Variants in COPB2 observed in about 807,000 individuals in gnomAD.
COPB2 encodes the protein coat protein complex I subunit beta 2, also known as coatomer subunit beta'.
Under a neutral mutation model 120.8 loss-of-function variants are expected in COPB2, and 16 were observed. The ratio of observed to expected loss-of-function variants is 0.13; its 90% CI spans 0.09 to 0.20. COPB2 has a LOEUF of 0.20. Ranked by LOEUF, COPB2 falls within the 10% of genes least tolerant of loss-of-function variation. The pLI is 1.00. For missense variants in COPB2, 794 were observed against 1,076.5 expected, an observed-to-expected ratio of 0.74 and a Z score of 3.67; for synonymous variants, 332 against 366.3, an observed-to-expected ratio of 0.91 and a Z score of 1.07.
chr3:139,360,723 A>G (rs1266673097), intron 17 of COPB2, among the ~76,000 whole-genome samples: 1 of 152,120 alleles, frequency 6.6e-6, no homozygotes, highest in Non-Finnish European at 1.5e-5. Flanking sequence ...AAGTTATCCA[A>G]TTTGGGTAAA....
chr3:139,374,411 T>C (rs770873778), intron 7 of COPB2, 78 bp downstream of exon 7: 4 of 1,153,970 alleles, frequency 3.5e-6, no homozygotes, highest in Middle Eastern at 2.0e-4. Flanking sequence ...CCTACAATTA[T>C]AATGCAGAGA....
intron 10 of COPB2, 83 bp downstream of exon 10, chr3:139,371,640 C>T (rs1408987651): frequency 2.6e-6 from 3 of 1,136,452 alleles, no homozygotes; most frequent in African/African-American, 1.5e-5. Flanking sequence ...AATCACAGCC[C>T]ACATCAAGCC....
At position 139,371,823 on chromosome 3, in the gene COPB2, C is replaced by T; in HGVS notation, c.1105G>A (p.Val369Met). ...QHNPNGRFVV[V>M]CGDGEYIIYT... ...ATGATATACTCCCCATCACCACACA[C>T]CACCACAAACCTAGAAATCACAGAA... is the stretch of plus-strand genomic sequence containing the variant. Residue 369 changes from valine (V) to methionine (M), a missense_variant, in exon 10 of 22, where the codon GTG (valine) becomes ATG (methionine). Around this residue, in one of 3 missense-constraint regions of COPB2, gnomAD observed 610 missense variants for 866.7 expected, o/e 0.70. Transcript: ENST00000333188. 6.2e-7 allele frequency: 1 copy of T among 1,613,396 alleles called. No homozygotes were observed. Among genetic ancestry groups the T allele is most frequent in the Non-Finnish European group, 8.5e-7 (1 of 1,179,542 alleles).
chr3:139,367,257 C>G, intron 13 of COPB2, 112 bp from the exon 14 acceptor site: 1 of 1,285,292 alleles, frequency 7.8e-7, no homozygotes, highest in Non-Finnish European at 1.0e-6. Flanking sequence ...AAAGTAAAAT[C>G]CTTCCTATTT....
chr3:139,362,427 G>T lies in COPB2; in HGVS notation c.1975C>A (p.Gln659Lys). The T allele has an allele frequency of 1.2e-6, 2 of 1,610,050 alleles. No individual in the cohort carries two copies. Among genetic ancestry groups the T allele is most frequent in the South Asian group, 2.2e-5 (2 of 90,558 alleles). ...CATACCTCTGCTTCCACTGCTAACT[G>T]GTATGCAATTTTTAACTCTCCAAGC... ...LQLGELKIAY[Q>K]LAVEAESEQK... Residue 659 changes from glutamine (Q) to lysine (K), a missense_variant, in exon 16 of 22, where the codon CAG (glutamine) becomes AAG (lysine). Physicochemically the swap from Gln to Lys is moderately conservative, Grantham distance 53. Around this residue, in one of 3 missense-constraint regions of COPB2, gnomAD observed 610 missense variants for 866.7 expected, o/e 0.70. Transcript: ENST00000333188.
chr3:139,378,100 C>T lies in COPB2; in HGVS notation c.445G>A (p.Val149Met). ...TGATTGTTATCTTTGGGGTTGATCACAATCTGCATAACATAATGGGTGTGT... is the reference window on the plus strand; with the variant it reads ...TGATTGTTATCTTTGGGGTTGATCATAATCTGCATAACATAATGGGTGTGT... ...EGHTHYVMQI[V>M]INPKDNNQFA... Residue 149 changes from valine (V) to methionine (M), a missense_variant, in exon 5 of 22, where the codon GTG becomes ATG. Coordinates refer to ENST00000333188, the MANE Select transcript of COPB2 (RefSeq NM_004766.3). 6.3e-7 allele frequency: 1 copy of T among 1,590,620 alleles called. No individual in the cohort carries two copies. The highest frequency in any genetic ancestry group is 8.6e-7 in the Non-Finnish European group (1 of 1,162,916).
In COPB2 at chr3:139,369,193, G is replaced by C. The variant is rs1941578010; in HGVS notation, c.1401+68C>G. 16 of 1,220,378 alleles carry C rather than the reference G, an allele frequency of 1.3e-5. No homozygotes were observed. In the South Asian group the frequency reaches 2.0e-4, roughly 15 times the overall value. 75.6% of individuals were successfully genotyped at this position (1,220,378 alleles called of 1,614,324 possible). A position where few individuals can be genotyped will look rare whatever the true frequency, so the allele number is the denominator to read the frequency against. On this transcript the variant is annotated intron_variant, in intron 12 of 21. Transcript: ENST00000333188. ...GAGCAGGGTACAAAAGACACTTCTT[G>C]GCCTTAGGGACCCAGAACTCATCAC...
rs202204189 is a variant in COPB2 at position 139,358,738 on chromosome 3, A to G, written c.2553+6T>C. The G allele has an allele frequency of 2.5e-6, 4 of 1,600,034 alleles. No homozygotes were observed. The highest frequency in any genetic ancestry group is 1.3e-5 in the African/African-American group (1 of 74,572). On this transcript the variant is annotated splice_donor_region_variant and intron_variant, in intron 20 of 21. Transcript: ENST00000333188. Reference sequence around the variant, plus strand: ...CCAAATTTATCACATGAAGTGCTCTACTGACCTGTTGAGCTGTAGATCTTG... The same window carrying G: ...CCAAATTTATCACATGAAGTGCTCTGCTGACCTGTTGAGCTGTAGATCTTG...
At chr3:139,386,348 C>T (rs1941921342) in intron 1 of COPB2, among the ~76,000 whole-genome samples, 3 of 152,002 alleles carry the variant, frequency 2.0e-5, no homozygotes, top group African/African-American at 7.2e-5. Context: ...CCTCCACCTC[C>T]CAGGTTCAAG....
In COPB2 at chr3:139,369,475, T is replaced by G; in HGVS notation, c.1275A>C (p.Lys425Asn). The change falls in exon 11 of 22, where the codon AAA (lysine) becomes AAC (asparagine). Residue 425 changes from lysine (K) to asparagine (N), a missense_variant. This residue lies in a region of COPB2 where 610 missense variants were observed against 866.7 expected (regional missense o/e 0.70). Coordinates refer to ENST00000333188, the MANE Select transcript of COPB2 (RefSeq NM_004766.3). ...ACTCACTTTCTGCTCCAAAATCTGG[T>G]TTAAATGATTTTTTTTCCTTAAAGT... ...FKNFKEKKSF[K>N]PDFGAESIYG... 1.2e-6 allele frequency: 2 copies of G among 1,612,172 alleles called. No homozygotes were observed. Among genetic ancestry groups the G allele is most frequent in the Non-Finnish European group, 1.7e-6 (2 of 1,178,946 alleles).
intron 1 of COPB2, among the ~76,000 whole-genome samples, chr3:139,388,859 CTTAT>C (rs1203918364): frequency 6.6e-6 from 1 of 151,058 alleles, no homozygotes; most frequent in African/African-American, 2.4e-5. Flanking sequence ...GTTTTCTTTC[CTTAT>C]TATTATAACA....
chr3:139,378,177 A>C lies in COPB2; in HGVS notation c.368T>G (p.Ile123Ser). 15 of 1,569,334 alleles carry C rather than the reference A, an allele frequency of 9.6e-6. No individual in the cohort carries two copies. Among genetic ancestry groups the C allele is most frequent in the African/African-American group, 1.3e-5 (1 of 74,620 alleles). ...FILTSSDDMLIKLWDWDKKWS... is the reference protein window; with the variant it reads ...FILTSSDDMLSKLWDWDKKWS... Reference sequence around the variant, plus strand: ...TTTTTTATCCCAGTCCCAGAGCTTAATAAGCATGTCATCTAGGCCAAAAGA... The same window carrying C: ...TTTTTTATCCCAGTCCCAGAGCTTACTAAGCATGTCATCTAGGCCAAAAGA... Residue 123 changes from isoleucine to serine, a missense_variant, in exon 5 of 22, where the codon ATT (isoleucine) becomes AGT (serine). Coordinates refer to ENST00000333188, the MANE Select transcript of COPB2 (RefSeq NM_004766.3).
In COPB2 at chr3:139,378,144, C is replaced by G. The variant is rs756173261; in HGVS notation, c.401G>C (p.Cys134Ser). The change falls in exon 5 of 22, where the codon TGC becomes TCC. Residue 134 changes from cysteine (C) to serine (S), a missense_variant. By Grantham distance (112) the Cys-to-Ser change is moderately radical (BLOSUM62 -1). This residue lies in a region of COPB2 where 610 missense variants were observed against 866.7 expected (regional missense o/e 0.70). Coordinates refer to ENST00000333188, the MANE Select transcript of COPB2 (RefSeq NM_004766.3). ...GGTGTGTCCTTCAAACACTTGTGAGCAAGACCATTTTTTATCCCAGTCCCA... is the reference window on the plus strand; with the variant it reads ...GGTGTGTCCTTCAAACACTTGTGAGGAAGACCATTTTTTATCCCAGTCCCA... ...KLWDWDKKWS[C>S]SQVFEGHTHY... 1.3e-6 allele frequency: 2 copies of G among 1,583,576 alleles called. No homozygotes were observed. The highest frequency in any genetic ancestry group is 1.7e-6 in the Non-Finnish European group (2 of 1,157,672).
At chr3:139,365,578 C>A (rs1247773011) in intron 15 of COPB2, among the ~76,000 whole-genome samples, 1 of 152,040 alleles carries the variant, frequency 6.6e-6, no homozygotes, top group African/African-American at 2.4e-5. Context: ...AACAATGGAT[C>A]CAACAGGACA....
At chr3:139,384,325 A>T (rs1419477970) in intron 1 of COPB2, among the ~76,000 whole-genome samples, 1 of 152,182 alleles carries the variant, frequency 6.6e-6, no homozygotes, top group African/African-American at 2.4e-5. Context: ...ATACTGTATT[A>T]AAAAAATTAC....
intron 4 of COPB2, 50 bp from the exon 5 acceptor site, chr3:139,378,239 C>T (rs751276535): frequency 2.7e-6 from 4 of 1,483,332 alleles, no homozygotes; most frequent in Non-Finnish European, 3.7e-6. Flanking sequence ...TTTTTCACTT[C>T]ATAACTAAGA....
At chr3:139,378,946 T>C in intron 4 of COPB2, 101 bp downstream of exon 4, 1 of 1,282,178 alleles carries the variant, frequency 7.8e-7, no homozygotes, top group South Asian at 1.6e-5. Context: ...CGCTTGGAAT[T>C]AGAATTATAT....
chr3:139,374,781 ATAAATG>A (rs1454547094), intron 6 of COPB2, among the ~76,000 whole-genome samples, 193 bp from the exon 7 acceptor site: 12 of 152,310 alleles, frequency 7.9e-5, no homozygotes, highest in African/African-American at 2.9e-4. Flanking sequence ...ACTTTGTAAA[ATAAATG>A]TAAATGTAAC....
intron 17 of COPB2, 42 bp from the exon 18 acceptor site, chr3:139,359,404 A>G (rs1941367806): frequency 6.4e-7 from 1 of 1,567,124 alleles, no homozygotes; most frequent in African/African-American, 1.4e-5. Context: ...AAGAATAAAC[A>G]CTATAATAAT....
Sources: allele counts gnomAD v4.1 joint callset (sites outside exome capture counted in the v4.1 genomes callset), GRCh38; gene constraint gnomAD v4.1.1; regional missense constraint gnomAD v4.1.1; transcripts MANE v1.5; gene names NCBI Gene and HGNC (gene_info 2026-07-23, HGNC 2026-07-21).